Variants in ZNF471 observed in about 807,000 individuals in gnomAD.
ZNF471 encodes zinc finger protein 471.
In ZNF471, 7 loss-of-function variants were observed where a neutral mutation model predicts 13.7. The ratio of observed to expected loss-of-function variants is 0.51; its 90% CI spans 0.29 to 0.96. The LOEUF is 0.96. Among genes scored for constraint, ZNF471 ranks in the 40% least tolerant of loss-of-function variants. ZNF471 has a pLI of 0.08. For missense variants in ZNF471, 663 were observed against 743.3 expected (o/e 0.89, Z 1.26); for synonymous variants, 218 against 235.6 (o/e 0.93, Z 0.68).
At chr19:56,519,867 G>C (rs147921700) in intron 4 of ZNF471, among the ~76,000 whole-genome samples, 157 of 152,352 alleles carry the variant, frequency 1.0e-3, no homozygotes, top group African/African-American at 3.6e-3. Flanking sequence ...GCACCTTTCT[G>C]TTCTGTCCTG....
chr19:56,527,448 AG>A lies in ZNF471; in HGVS notation c.*1503del, dbSNP rs1222671418. 2.6e-5 allele frequency: 4 copies of A among 152,224 alleles called. No individual in the cohort carries two copies. In the East Asian group the frequency reaches 7.7e-4, roughly 29 times the overall value. The allele number at this position is 152,224 out of a possible 1,614,324, so 9.4% of individuals were successfully genotyped here. ...AAAGGATCACAACTCCTTGCCGGCA[AG>A]GGAACAAAACTGGATAGAGAATGAG... On this transcript the variant is annotated 3_prime_UTR_variant, in exon 5 of 5. Coordinates refer to ENST00000308031, the MANE Select transcript of ZNF471 (RefSeq NM_020813.4).
intron 4 of ZNF471, 35 bp downstream of exon 4, chr19:56,518,612 T>C: frequency 6.4e-7 from 1 of 1,572,692 alleles, no homozygotes; most frequent in Non-Finnish European, 8.7e-7. Context: ...GGAATCTTTT[T>C]GACATAATGG....
At position 56,516,819 on chromosome 19, in the gene ZNF471, G is replaced by T. The variant is rs2043894836; in HGVS notation, c.160+418G>T. Among the ~76,000 whole-genome samples, 4 of 152,220 alleles carry T rather than the reference G, an allele frequency of 2.6e-5. No homozygotes were observed. In the South Asian group the frequency reaches 8.3e-4, roughly 31 times the overall value. On this transcript the variant is annotated intron_variant, in intron 3 of 4. Transcript: ENST00000308031. This position sits in a 1 kb window ranked among gnomAD's most constrained non-coding sequence, Gnocchi z 4.4. ...AAGACACAAACTGAAAATGGCTTCAGATCACTTACTGTTAGGGAAATTCCT... is the reference window on the plus strand; with the variant it reads ...AAGACACAAACTGAAAATGGCTTCATATCACTTACTGTTAGGGAAATTCCT...
intron 2 of ZNF471, among the ~76,000 whole-genome samples, chr19:56,514,505 C>T (rs1440555961): frequency 2.0e-5 from 3 of 152,070 alleles, no homozygotes; most frequent in Non-Finnish European, 2.9e-5. Context: ...CTTTGCTTAT[C>T]GATGACCTTG....
At chr19:56,514,226 C>A (rs1465477898) in intron 2 of ZNF471, among the ~76,000 whole-genome samples, 3 of 151,660 alleles carry the variant, frequency 2.0e-5, no homozygotes. Flanking sequence ...CATGCACAGC[C>A]AATTTTTGTA....
At position 56,526,886 on chromosome 19, in the gene ZNF471, G is replaced by A. The variant is rs1460476211; in HGVS notation, c.*938G>A. The A allele has an allele frequency of 2.6e-5, 4 of 152,432 alleles. No individual in the cohort carries two copies. Among genetic ancestry groups the A allele is most frequent in the Admixed American group, 2.6e-4 (4 of 15,286 alleles). 9.4% of individuals were successfully genotyped at this position (152,432 alleles called of 1,614,324 possible). ...CCTGGGACAAAGCACGTGGGGGAAA[G>A]GGGTGGCTGTGGGCACAGCTTCAGC... On this transcript the variant is annotated 3_prime_UTR_variant, in exon 5 of 5. Coordinates refer to ENST00000308031, the MANE Select transcript of ZNF471 (RefSeq NM_020813.4).
Position 56,525,692 on chromosome 19 carries a change from C to A in ZNF471, c.1625C>A (p.Pro542His), listed in dbSNP as rs765085713. The A allele has an allele frequency of 1.2e-6, 2 of 1,614,026 alleles. No individual in the cohort carries two copies. The highest frequency in any genetic ancestry group is 1.7e-6 in the Non-Finnish European group (2 of 1,179,976). The change falls in exon 5 of 5, where the codon CCT (proline) becomes CAT (histidine). Residue 542 changes from proline (P) to histidine (H), a missense_variant. Physicochemically the swap from Pro to His is moderately conservative, Grantham distance 77. Transcript: ENST00000308031. ...CAGAAAACTCATACAGGAGAGAAACCTTATGAGTGTAATGAATGCGGGAAA... is the reference window on the plus strand; with the variant it reads ...CAGAAAACTCATACAGGAGAGAAACATTATGAGTGTAATGAATGCGGGAAA... Reference protein sequence around the residue: ...QHQKTHTGEKPYECNECGKAF... With the variant: ...QHQKTHTGEKHYECNECGKAF...
chr19:56,516,319 A>C lies in ZNF471; in HGVS notation c.78A>C (p.Glu26Asp). The C allele has an allele frequency of 6.2e-7, 1 of 1,613,984 alleles. No individual in the cohort carries two copies. The highest frequency in any genetic ancestry group is 8.5e-7 in the Non-Finnish European group (1 of 1,179,892). Residue 26 changes from glutamate (E) to aspartate (D), a missense_variant, in exon 3 of 5, where the codon GAA (glutamate) becomes GAC (aspartate). Glu to Asp is a conservative substitution (Grantham distance 45, BLOSUM62 2). Coordinates refer to ENST00000308031, the MANE Select transcript of ZNF471 (RefSeq NM_020813.4). This position sits in a 1 kb window ranked among gnomAD's most constrained non-coding sequence, Gnocchi z 4.4. ...ATGTGGCAATAGATTTTTCCCAGGA[A>C]GAATGGCAATGGATGAACCCTGCTC... is the stretch of plus-strand genomic sequence containing the variant. ...FKDVAIDFSQ[E>D]EWQWMNPAQK... is the part of the protein sequence containing the mutation.
intron 1 of ZNF471, 81 bp from the exon 2 acceptor site, chr19:56,511,436 G>A (rs2043810381): frequency 9.1e-7 from 1 of 1,104,580 alleles, no homozygotes; most frequent in African/African-American, 1.6e-5. Flanking sequence ...AAGCTGGGAA[G>A]AAGAAGACAG....
Position 56,523,879 on chromosome 19 carries a change from A to T in ZNF471, c.257-445A>T, listed in dbSNP as rs555722459. On this transcript the variant is annotated intron_variant, in intron 4 of 4. Transcript: ENST00000308031. ...TGCTCTGTTGCCTAAGCTGGAGTGC[A>T]GTAGGGCAATCATGGCTCACTGCAG... Among the ~76,000 whole-genome samples, 3 of 152,282 alleles carry T rather than the reference A, an allele frequency of 2.0e-5. No homozygotes were observed. In the South Asian group the frequency reaches 6.2e-4, roughly 32 times the overall value.
rs989294764 is a variant in ZNF471, at chr19:56,530,056, G to A, written c.*4108G>A. 9 of 152,230 alleles carry A rather than the reference G, an allele frequency of 5.9e-5. No homozygotes were observed. The highest frequency in any genetic ancestry group is 1.2e-4 in the Non-Finnish European group (8 of 68,042). The allele number at this position is 152,230 out of a possible 1,614,324, so 9.4% of individuals were successfully genotyped here. A position where few individuals can be genotyped will look rare whatever the true frequency, so the allele number is the denominator to read the frequency against. ...GCTATTAAAGTTATGGGTTACTTAA[G>A]TTACAGAAAATCAGTTTAGTAGATC... On this transcript the variant is annotated 3_prime_UTR_variant, in exon 5 of 5. Transcript: ENST00000308031.
In ZNF471 at chr19:56,525,783, A is replaced by AT; in HGVS notation, c.1717dup (p.Cys573LeufsTer3). 1 of 1,614,162 alleles carries AT rather than the reference A, an allele frequency of 6.2e-7. No individual in the cohort carries two copies. Among genetic ancestry groups the AT allele is most frequent in the Non-Finnish European group, 8.5e-7 (1 of 1,180,018 alleles). ...TTCATACTGGAGAGAAACCCTATAA[A>AT]TGTACTGAATGTGGAAAGGCTTTTA... On this transcript the variant is annotated frameshift_variant, in exon 5 of 5. Transcript: ENST00000308031. LOFTEE classifies it low-confidence loss of function (END_TRUNC).
Position 56,524,566 on chromosome 19 carries a change from T to C in ZNF471, c.499T>C (p.Cys167Arg). The change falls in exon 5 of 5, where the codon TGT (cysteine) becomes CGT (arginine). Residue 167 changes from cysteine (C) to arginine (R), a missense_variant. Coordinates refer to ENST00000308031, the MANE Select transcript of ZNF471 (RefSeq NM_020813.4). This position sits in a 1 kb window ranked among gnomAD's most constrained non-coding sequence, Gnocchi z 4.8. Reference protein sequence around the residue: ...TEFKYTKFGKCIHLENIEESI... With the variant: ...TEFKYTKFGKRIHLENIEESI... The stretch of plus-strand genomic sequence containing the variant: ...ATTCAAATATACTAAATTTGGGAAA[T>C]GTATCCATCTGGAAAACATAGAAGA... 6.3e-7 allele frequency: 1 copy of C among 1,596,264 alleles called. No homozygotes were observed. Among genetic ancestry groups the C allele is most frequent in the Non-Finnish European group, 8.5e-7 (1 of 1,175,346 alleles).
chr19:56,516,880 T>G lies in ZNF471; in HGVS notation c.160+479T>G, dbSNP rs1412943478. On this transcript the variant is annotated intron_variant, in intron 3 of 4. Transcript: ENST00000308031. The surrounding 1 kb of genome is among the most constrained non-coding windows in gnomAD (Gnocchi z 4.4). ...CTTCTAAGCACTGGGGCCACCCCAT[T>G]GGCTAGATTAGCTTTCTGTTCTCCA... Among the ~76,000 whole-genome samples the G allele has an allele frequency of 2.0e-5, 3 of 152,254 alleles. No individual in the cohort carries two copies. The highest frequency in any genetic ancestry group is 4.4e-5 in the Non-Finnish European group (3 of 68,046).
intron 4 of ZNF471, among the ~76,000 whole-genome samples, chr19:56,520,625 G>A (rs1424616549): frequency 2.6e-5 from 4 of 152,138 alleles, no homozygotes; most frequent in African/African-American, 9.7e-5. Flanking sequence ...GAGGTGATTA[G>A]GTCATGAGGG....
rs1242052562 is a variant in ZNF471, at chr19:56,524,333, C to A, written c.266C>A (p.Ser89Tyr). Residue 89 changes from serine (S) to tyrosine (Y), a missense_variant, in exon 5 of 5, where the codon TCT becomes TAT. Ser to Tyr is a moderately radical substitution (Grantham distance 144, BLOSUM62 -2). Coordinates refer to ENST00000308031, the MANE Select transcript of ZNF471 (RefSeq NM_020813.4). This position sits in a 1 kb window ranked among gnomAD's most constrained non-coding sequence, Gnocchi z 4.8. ...MTRSPFSDWE[S>Y]IYVTQELPLK... ...TTTTAATATCTTTCAGATTGGGAAT[C>A]TATATATGTGACACAGGAATTACCT... is the stretch of plus-strand genomic sequence containing the variant. The A allele has an allele frequency of 6.5e-7, 1 of 1,544,632 alleles. No individual in the cohort carries two copies. Among genetic ancestry groups the A allele is most frequent in the Non-Finnish European group, 8.7e-7 (1 of 1,150,312 alleles).
At position 56,525,712 on chromosome 19, in the gene ZNF471, G is replaced by A. The variant is rs750117799; in HGVS notation, c.1645G>A (p.Gly549Arg). The change falls in exon 5 of 5, where the codon GGG (glycine) becomes AGG (arginine). Residue 549 changes from glycine to arginine, a missense_variant. Coordinates refer to ENST00000308031, the MANE Select transcript of ZNF471 (RefSeq NM_020813.4). ...GEKPYECNEC[G>R]KAFSQTSNLT... ...GAAACCTTATGAGTGTAATGAATGCGGGAAAGCCTTCAGCCAAACTTCCAA... is the reference window on the plus strand; with the variant it reads ...GAAACCTTATGAGTGTAATGAATGCAGGAAAGCCTTCAGCCAAACTTCCAA... The A allele has an allele frequency of 1.5e-5, 24 of 1,613,642 alleles. 1 individual carries two copies. The highest frequency in any genetic ancestry group is 1.6e-4 in the Middle Eastern group (1 of 6,084).
chr19:56,513,371 C>T (rs80096987), intron 2 of ZNF471, among the ~76,000 whole-genome samples: 4,097 of 152,254 alleles, frequency 0.027, 95 homozygotes, highest in East Asian at 0.11. Context: ...CAGTGTTCAG[C>T]GTAGCTTGGT....
Position 56,529,703 on chromosome 19 carries a change from CACTA to C in ZNF471, c.*3757_*3760del, listed in dbSNP as rs2044086680. The stretch of plus-strand genomic sequence containing the variant: ...GTTAAATAGAAGAAGTTCTCAACCT[CACTA>C]ATGATCAGATAAGTGCAGATTGTAA... On this transcript the variant is annotated 3_prime_UTR_variant, in exon 5 of 5. Transcript: ENST00000308031. 6.6e-6 allele frequency: 1 copy of C among 152,214 alleles called. No homozygotes were observed. The highest frequency in any genetic ancestry group is 6.5e-5 in the Admixed American group (1 of 15,280). 9.4% of individuals were successfully genotyped at this position (152,214 alleles called of 1,614,324 possible).
Sources: allele counts gnomAD v4.1 joint callset (sites outside exome capture counted in the v4.1 genomes callset), GRCh38; gene constraint gnomAD v4.1.1; non-coding constraint Gnocchi (gnomAD v3.1); transcripts MANE v1.5; gene names NCBI Gene and HGNC (gene_info 2026-07-23, HGNC 2026-07-21).